The following RANGAP1 variants were observed in gnomAD, a reference collection of about 807,000 sequenced individuals.
RANGAP1 encodes the protein ran GTPase-activating protein 1.
Under a neutral mutation model 63.5 loss-of-function variants are expected in RANGAP1, and 38 were observed. That is an observed-to-expected ratio of 0.60 (90% confidence interval 0.46 to 0.78). The LOEUF (loss-of-function observed/expected upper bound fraction) is 0.78. Among genes scored for constraint, RANGAP1 ranks in the 30% least tolerant of loss-of-function variants. RANGAP1 has a pLI of 0.00. For missense variants in RANGAP1, 630 were observed against 740.3 expected, an observed-to-expected ratio of 0.85 and a Z score of 1.73; for synonymous variants, 329 against 310.5, an observed-to-expected ratio of 1.06 and a Z score of -0.63.
At chr22:41,283,342 C>G (rs2035595431) in intron 1 of RANGAP1, among the ~76,000 whole-genome samples, 1 of 152,044 alleles carries the variant, frequency 6.6e-6, no homozygotes, top group Non-Finnish European at 1.5e-5. Flanking sequence ...AACCCCGTCT[C>G]TACTAAAAAT....
At chr22:41,272,916 G>A (rs995548437) in intron 3 of RANGAP1, among the ~76,000 whole-genome samples, 1 of 151,894 alleles carries the variant, frequency 6.6e-6, no homozygotes, top group Non-Finnish European at 1.5e-5. Flanking sequence ...AGGCTCAAGC[G>A]ATCCTCTCAT....
At chr22:41,254,632 G>C in intron 10 of RANGAP1, 138 bp from the exon 11 acceptor site, 2 of 1,481,922 alleles carry the variant, frequency 1.3e-6, no homozygotes, top group Admixed American at 2.4e-5. Flanking sequence ...CCTGCTCCCA[G>C]GGCAGGGGCA....
At chr22:41,255,469 CTTCCT>C (rs1436146907) in intron 10 of RANGAP1, among the ~76,000 whole-genome samples, 2 of 152,136 alleles carry the variant, frequency 1.3e-5, no homozygotes, top group African/African-American at 2.4e-5. Flanking sequence ...CCCATGGTCT[CTTCCT>C]TTCTAGAGTC....
At chr22:41,265,546 A>G (rs2034418153) in intron 4 of RANGAP1, among the ~76,000 whole-genome samples, 1 of 152,078 alleles carries the variant, frequency 6.6e-6, no homozygotes, top group African/African-American at 2.4e-5. Context: ...AGGAGGAGGG[A>G]GGGAGGAACC....
chr22:41,261,682 T>A (rs1265631839), intron 5 of RANGAP1, 102 bp from the exon 6 acceptor site: 1 of 1,451,140 alleles, frequency 6.9e-7, no homozygotes, highest in African/African-American at 1.4e-5. Context: ...ACGCCACCCA[T>A]CGGTGCAGGT....
chr22:41,263,453 C>A (rs1313312569), intron 5 of RANGAP1, among the ~76,000 whole-genome samples: 1 of 152,142 alleles, frequency 6.6e-6, no homozygotes, highest in Admixed American at 6.6e-5. Context: ...GGCGCCATCT[C>A]GGCTCACTGC....
At chr22:41,271,979 G>A (rs765126376) in intron 3 of RANGAP1, among the ~76,000 whole-genome samples, 7 of 152,206 alleles carry the variant, frequency 4.6e-5, no homozygotes, top group Non-Finnish European at 7.4e-5. Flanking sequence ...TGTAGCAGGC[G>A]GGAAGGTGCA....
At chr22:41,296,206 C>T in the RANGAP1 span, among the ~76,000 whole-genome samples, 1 of 151,876 alleles carries the variant, frequency 6.6e-6, no homozygotes, top group East Asian at 1.9e-4. Flanking sequence ...AAAATAATAA[C>T]CTAAGCAAAT....
intron 5 of RANGAP1, 40 bp from the exon 6 acceptor site, chr22:41,261,620 C>G (rs376743204): frequency 9.2e-5 from 148 of 1,613,272 alleles, no homozygotes; most frequent in Middle Eastern, 1.7e-4. Context: ...TGGGCAGGAG[C>G]CCCTTCTCCC....
chr22:41,285,038 C>T (rs1474175839), intron 1 of RANGAP1: 2 of 152,058 alleles, frequency 1.3e-5, no homozygotes, highest in South Asian at 4.1e-4. Flanking sequence ...CATCTGTAGT[C>T]CCCATGACTT....
At chr22:41,251,469 G>GA (rs2033441486) in intron 12 of RANGAP1, among the ~76,000 whole-genome samples, 1 of 151,830 alleles carries the variant, frequency 6.6e-6, no homozygotes, top group African/African-American at 2.4e-5. Flanking sequence ...CAACAAAAAG[G>GA]AAAAAAATTA....
intron 2 of RANGAP1, chr22:41,280,640 G>A: frequency 2.3e-6 from 3 of 1,313,874 alleles, no homozygotes; most frequent in Non-Finnish European, 3.0e-6. Context: ...GTCAGAGGCT[G>A]TATCTTGGGA....
intron 2 of RANGAP1, chr22:41,280,688 C>T: frequency 1.4e-6 from 2 of 1,447,538 alleles, no homozygotes; most frequent in Non-Finnish European, 1.8e-6. Flanking sequence ...CTATCATCCC[C>T]TCCTGAGAAA....
chr22:41,280,230 G>A (rs138259895), intron 2 of RANGAP1, among the ~76,000 whole-genome samples: 30 of 152,322 alleles, frequency 2.0e-4, no homozygotes, highest in African/African-American at 7.2e-4. Flanking sequence ...GGAGAACAAG[G>A]CTGCCTACAC....
chr22:41,287,797 A>C (rs2035788874), upstream of RANGAP1, among the ~76,000 whole-genome samples: 1 of 151,966 alleles, frequency 6.6e-6, no homozygotes. Flanking sequence ...GACCAGCCTG[A>C]CCAAAATGGA....
chr22:41,294,780 C>A, the RANGAP1 span, among the ~76,000 whole-genome samples: 1 of 131,950 alleles, frequency 7.6e-6, no homozygotes. Flanking sequence ...GCCCGGCAGC[C>A]GCCCCGTCTG....
Position 41,268,130 on chromosome 22 carries a change from C to A in RANGAP1, c.267G>T (p.Thr89=). ...LKRCHWSDMF[T]GRLRTEIPPA... is the part of the protein sequence containing the mutation. The stretch of plus-strand genomic sequence containing the variant: ...GTGGGATCTCGGTCCGCAGCCTTCC[C>A]GTGAACATGTCACTCCAGTGGCAGC... The change falls in exon 4 of 16, where the codon ACG becomes ACT. Residue 89 remains threonine (T), a synonymous_variant. Coordinates refer to ENST00000356244, the MANE Select transcript of RANGAP1 (RefSeq NM_002883.4). 6.4e-7 allele frequency: 1 copy of A among 1,558,908 alleles called. No homozygotes were observed. The highest frequency in any genetic ancestry group is 8.7e-7 in the Non-Finnish European group (1 of 1,150,712).
At chr22:41,262,178 T>C (rs1046574312) in intron 5 of RANGAP1, among the ~76,000 whole-genome samples, 18 of 152,156 alleles carry the variant, frequency 1.2e-4, no homozygotes, top group Non-Finnish European at 2.9e-5. Flanking sequence ...GCTTGCCTGC[T>C]GGTGGTAAAA....
chr22:41,294,277 C>A, the RANGAP1 span, among the ~76,000 whole-genome samples: 235 of 152,374 alleles, frequency 1.5e-3, no homozygotes, highest in African/African-American at 5.5e-3. Context: ...TGGTCTCCAG[C>A]TCCTAACCGC....
Sources: gnomAD v4.1 joint callset for allele counts (sites outside exome capture counted in the v4.1 genomes callset) on GRCh38, gnomAD v4.1.1 for gene constraint, MANE v1.5 for transcripts, NCBI Gene and HGNC (gene_info 2026-07-23, HGNC 2026-07-21) for gene names.